APP: variants seen among roughly 807,000 people sequenced by gnomAD.
APP encodes amyloid beta precursor protein, also known as amyloid-beta precursor protein.
APP carries 31 observed loss-of-function variants against 101.4 expected under a neutral mutation model. The observed-to-expected ratio is 0.31, with a 90% CI of 0.23 to 0.41. The LOEUF is 0.41. Ranked by LOEUF, APP falls within the 10% of genes least tolerant of loss-of-function variation. The pLI, the probability that APP is intolerant of heterozygous loss-of-function variation, is 1.00. For missense variants in APP, 839 were observed against 1,003.7 expected (o/e 0.84, Z 2.22); for synonymous variants, 366 against 364.4 (o/e 1.00, Z -0.05).
chr21:26,077,861 T>A (rs1213025294), intron 3 of APP, among the ~76,000 whole-genome samples: 1 of 151,790 alleles, frequency 6.6e-6, no homozygotes, highest in East Asian at 1.9e-4. Flanking sequence ...AGAGGGAATG[T>A]TTAATGAAAC....
At chr21:25,910,589 T>C (rs1183996520) in intron 14 of APP, among the ~76,000 whole-genome samples, 1 of 152,178 alleles carries the variant, frequency 6.6e-6, no homozygotes, top group Non-Finnish European at 1.5e-5. Flanking sequence ...TAGAAAAAGA[T>C]AAAAGAAGCT....
At chr21:26,050,083 T>TTC (rs2045774957) in intron 5 of APP, among the ~76,000 whole-genome samples, 1 of 152,184 alleles carries the variant, frequency 6.6e-6, no homozygotes, top group African/African-American at 2.4e-5. Flanking sequence ...GGTCCCAGTG[T>TTC]TCTAGCTGAT....
At chr21:25,954,301 T>A (rs1355992601) in intron 13 of APP, among the ~76,000 whole-genome samples, 1 of 152,228 alleles carries the variant, frequency 6.6e-6, no homozygotes, top group Non-Finnish European at 1.5e-5. Context: ...ATAACAAGAT[T>A]GGGCAAATTA....
intron 17 of APP, among the ~76,000 whole-genome samples, chr21:25,885,291 A>G (rs1409583131): frequency 1.3e-5 from 2 of 152,244 alleles, no homozygotes; most frequent in African/African-American, 2.4e-5. Context: ...TCTCTTCCTC[A>G]TGGCTAAGCT....
At chr21:25,927,844 T>A (rs2039966163) in intron 13 of APP, among the ~76,000 whole-genome samples, 1 of 152,220 alleles carries the variant, frequency 6.6e-6, no homozygotes, top group East Asian at 1.9e-4. Flanking sequence ...TCAAACATCA[T>A]AGATCAAAGA....
chr21:25,976,077 G>T, intron 9 of APP, 49 bp from the exon 10 acceptor site: 1 of 1,429,026 alleles, frequency 7.0e-7, no homozygotes, highest in Non-Finnish European at 9.9e-7. Flanking sequence ...TTCATCCTTT[G>T]AATACAGACT....
At chr21:25,917,263 A>G (rs2039398531) in intron 13 of APP, among the ~76,000 whole-genome samples, 1 of 133,990 alleles carries the variant, frequency 7.5e-6, no homozygotes, top group Admixed American at 7.1e-5. Flanking sequence ...TCTGTCTCCA[A>G]AAAAAAAAAA....
intron 8 of APP, among the ~76,000 whole-genome samples, chr21:25,984,367 C>A (rs755258095): frequency 5.3e-5 from 8 of 151,832 alleles, no homozygotes; most frequent in Non-Finnish European, 1.0e-4. Flanking sequence ...AAAGTGCAAC[C>A]TACAGGAAAA....
At chr21:26,136,169 A>AG (rs1555882169) in intron 1 of APP, among the ~76,000 whole-genome samples, 8 of 92,014 alleles carry the variant, frequency 8.7e-5, no homozygotes, top group African/African-American at 4.3e-4. Context: ...GAAAAGAAAG[A>AG]AAAGAAAGAA....
At chr21:25,996,679 A>G (rs45498998) in intron 8 of APP, among the ~76,000 whole-genome samples, 30,441 of 152,106 alleles carry the variant, frequency 0.2, 3,090 homozygotes, top group South Asian at 0.34. Flanking sequence ...TGACTGACTT[A>G]GGCACCTTCA....
At chr21:25,900,768 G>A (rs1313446887) in intron 15 of APP, among the ~76,000 whole-genome samples, 1 of 151,964 alleles carries the variant, frequency 6.6e-6, no homozygotes, top group Non-Finnish European at 1.5e-5. Flanking sequence ...TTGGGAGGCC[G>A]AGGCGGGAGG....
chr21:26,022,534 C>T (rs1052684770), intron 5 of APP, among the ~76,000 whole-genome samples: 8 of 151,986 alleles, frequency 5.3e-5, no homozygotes, highest in East Asian at 1.9e-4. Context: ...TTGGTTCAAA[C>T]GTACCATACT....
At chr21:25,906,169 AT>A (rs1288422922) in intron 14 of APP, among the ~76,000 whole-genome samples, 1 of 152,198 alleles carries the variant, frequency 6.6e-6, no homozygotes, top group African/African-American at 2.4e-5. Context: ...CCACATGTTA[AT>A]AGAAACAGTG....
intron 11 of APP, among the ~76,000 whole-genome samples, chr21:25,961,075 G>A (rs996335250): frequency 2.0e-5 from 3 of 152,172 alleles, no homozygotes; most frequent in African/African-American, 7.2e-5. Flanking sequence ...AAAGGGAAAA[G>A]TCTAGCTGGG....
In APP at chr21:26,156,878, A is replaced by T. The variant is rs1370001150; in HGVS notation, c.57+13686T>A. ...TCACGGGTGAAAAAAAGTATAATTT[A>T]AAAATATGAGCAATATAATATGACA... On this transcript the variant is annotated intron_variant, in intron 1 of 17. Transcript: ENST00000346798. Among the ~76,000 whole-genome samples, 4 of 152,196 alleles carry T rather than the reference A, an allele frequency of 2.6e-5. No homozygotes were observed. In the East Asian group the frequency reaches 7.7e-4, roughly 29 times the overall value.
intron 6 of APP, among the ~76,000 whole-genome samples, chr21:26,005,000 G>A (rs1484133846): frequency 6.6e-6 from 1 of 152,136 alleles, no homozygotes; most frequent in Non-Finnish European, 1.5e-5. Context: ...TTTTATGGCT[G>A]CATAGTATTT....
intron 8 of APP, among the ~76,000 whole-genome samples, chr21:25,984,673 A>G (rs1417371033): frequency 6.6e-6 from 1 of 152,208 alleles, no homozygotes; most frequent in Non-Finnish European, 1.5e-5. Context: ...TGAAATGAAC[A>G]TGGTATTTAG....
intron 13 of APP, among the ~76,000 whole-genome samples, chr21:25,953,559 G>C (rs892652402): frequency 2.6e-5 from 4 of 152,134 alleles, no homozygotes; most frequent in African/African-American, 9.7e-5. Flanking sequence ...CAAAGGGTAG[G>C]ATTCTTTATG....
chr21:25,924,893 CT>C (rs2039818345), intron 13 of APP, among the ~76,000 whole-genome samples: 1 of 151,958 alleles, frequency 6.6e-6, no homozygotes, highest in Non-Finnish European at 1.5e-5. Context: ...ATTTTCTTTC[CT>C]TTTTGATTCT....
Sources: allele counts gnomAD v4.1 joint callset (sites outside exome capture counted in the v4.1 genomes callset), GRCh38; gene constraint gnomAD v4.1.1; transcripts MANE v1.5; gene names NCBI Gene and HGNC (gene_info 2026-07-23, HGNC 2026-07-21).